The following ZNF679 variants were observed in gnomAD, a reference collection of about 807,000 sequenced individuals.
ZNF679 encodes the protein zinc finger protein 679, also known as hypothetical protein MGC42415.
ZNF679 carries 10 observed loss-of-function variants against 13.4 expected under a neutral mutation model. The ratio of observed to expected loss-of-function variants is 0.75; its 90% CI spans 0.46 to 1.27. The LOEUF (loss-of-function observed/expected upper bound fraction) is 1.27, where lower values mean the gene tolerates loss of function less well. Among genes scored for constraint, ZNF679 ranks in the 50% most tolerant of loss-of-function variants. The pLI, the probability that ZNF679 is intolerant of heterozygous loss-of-function variation, is 0.00. For synonymous variants in ZNF679, 179 were observed against 162.5 expected, an observed-to-expected ratio of 1.10 and a Z score of -0.77; for missense variants, 525 against 477.8, an observed-to-expected ratio of 1.10 and a Z score of -0.92.
intron 1 of ZNF679, among the ~76,000 whole-genome samples, chr7:64,236,896 GAA>G (rs1221264651): frequency 2.7e-5 from 3 of 111,754 alleles, no homozygotes; most frequent in Non-Finnish European, 6.0e-5. Flanking sequence ...AAGAAAAAAA[GAA>G]AAAGAAAAAA....
intron 1 of ZNF679, among the ~76,000 whole-genome samples, chr7:64,240,525 G>A (rs1787784299): frequency 6.6e-6 from 1 of 152,200 alleles, no homozygotes; most frequent in Admixed American, 6.5e-5. Context: ...TGTCATAACA[G>A]GACCCAGAAC....
intron 4 of ZNF679, among the ~76,000 whole-genome samples, chr7:64,264,496 T>C (rs1025076233): frequency 6.6e-6 from 1 of 152,160 alleles, no homozygotes; most frequent in Non-Finnish European, 1.5e-5. Context: ...ATTATGTATT[T>C]TTTTCATCAT....
chr7:64,260,790 G>T lies in ZNF679; in HGVS notation c.167-44G>T, dbSNP rs531312909. 9.7e-5 allele frequency: 151 copies of T among 1,560,688 alleles called. No individual in the cohort carries two copies. The East Asian group carries it at 2.1e-3, about 22-fold the overall frequency. On this transcript the variant is annotated intron_variant, in intron 3 of 4. Coordinates refer to ENST00000421025, the MANE Select transcript of ZNF679 (RefSeq NM_153363.3). ...GCATAATACTCGTTTGGTAATTAAA[G>T]AATTCAGCAAGATTTATGTTACTTT...
Position 64,249,080 on chromosome 7 carries a change from C to A in ZNF679, c.-38C>A. On this transcript the variant is annotated 5_prime_UTR_variant, in exon 2 of 5. Coordinates refer to ENST00000421025, the MANE Select transcript of ZNF679 (RefSeq NM_153363.3). Reference sequence around the variant, plus strand: ...GCGTCCTCTGTTCCTAGAGGCCAAGCCACTGTGGCCTTGTGTTCTGCAGGT... The same window carrying A: ...GCGTCCTCTGTTCCTAGAGGCCAAGACACTGTGGCCTTGTGTTCTGCAGGT... The A allele has an allele frequency of 6.2e-7, 1 of 1,613,810 alleles. No homozygotes were observed. The highest frequency in any genetic ancestry group is 1.1e-5 in the South Asian group (1 of 91,048).
chr7:64,266,186 A>C lies in ZNF679; in HGVS notation c.553A>C (p.Lys185Gln). The C allele has an allele frequency of 1.3e-6, 2 of 1,590,056 alleles. No individual in the cohort carries two copies. The highest frequency in any genetic ancestry group is 1.7e-6 in the Non-Finnish European group (2 of 1,166,430). Residue 185 changes from lysine to glutamine, a missense_variant, in exon 5 of 5, where the codon AAA (lysine) becomes CAA (glutamine). By Grantham distance (53) the Lys-to-Gln change is moderately conservative. Transcript: ENST00000421025. ...KTRHTGKKHF[K>Q]CKKYGKSFCM... Reference sequence around the variant, plus strand: ...AAGACATACTGGAAAGAAACATTTCAAATGTAAAAAATATGGCAAATCATT... The same window carrying C: ...AAGACATACTGGAAAGAAACATTTCCAATGTAAAAAATATGGCAAATCATT...
chr7:64,234,344 A>G (rs1374140381), intron 1 of ZNF679, among the ~76,000 whole-genome samples: 1 of 152,238 alleles, frequency 6.6e-6, no homozygotes, highest in Non-Finnish European at 1.5e-5. Context: ...CCCCACCTCT[A>G]GAGAGCTTTC....
chr7:64,234,265 G>A (rs897758556), intron 1 of ZNF679, among the ~76,000 whole-genome samples: 1 of 152,192 alleles, frequency 6.6e-6, no homozygotes, highest in Non-Finnish European at 1.5e-5. Flanking sequence ...GTGGGTGTGA[G>A]ACTTTTAACA....
chr7:64,230,032 G>A (rs1445286246), intron 1 of ZNF679, among the ~76,000 whole-genome samples: 1 of 152,172 alleles, frequency 6.6e-6, no homozygotes, highest in Non-Finnish European at 1.5e-5. Flanking sequence ...GCCCAGGCAG[G>A]AGGGTAACAT....
At chr7:64,249,291 G>A (rs1055458270) in intron 2 of ZNF679, 135 bp downstream of exon 2, 2 of 1,421,472 alleles carry the variant, frequency 1.4e-6, no homozygotes, top group African/African-American at 2.8e-5. Context: ...TGGCCCAGGT[G>A]GGCTGTTAGT....
At chr7:64,236,473 A>G (rs1451913610) in intron 1 of ZNF679, among the ~76,000 whole-genome samples, 1 of 151,704 alleles carries the variant, frequency 6.6e-6, no homozygotes, top group Non-Finnish European at 1.5e-5. Context: ...AGGGCAGAAT[A>G]AGAGAACCTG....
intron 1 of ZNF679, among the ~76,000 whole-genome samples, chr7:64,235,651 C>T (rs1301301102): frequency 9.9e-5 from 15 of 151,760 alleles, no homozygotes; most frequent in African/African-American, 2.7e-4. Flanking sequence ...TAGCCAGGCA[C>T]GGTGGCACAA....
chr7:64,263,872 A>C (rs1788109313), intron 4 of ZNF679, among the ~76,000 whole-genome samples: 1 of 152,120 alleles, frequency 6.6e-6, no homozygotes, highest in Non-Finnish European at 1.5e-5. Flanking sequence ...AGCAATGCAA[A>C]ATGAATTCAT....
At chr7:64,248,057 A>G (rs533754044) in intron 1 of ZNF679, among the ~76,000 whole-genome samples, 1 of 152,154 alleles carries the variant, frequency 6.6e-6, no homozygotes, top group Admixed American at 6.6e-5. Context: ...ATAATTCTAC[A>G]TGGCTGAGGA....
intron 1 of ZNF679, among the ~76,000 whole-genome samples, chr7:64,229,753 T>A (rs1341532790): frequency 6.6e-6 from 1 of 152,204 alleles, no homozygotes; most frequent in Non-Finnish European, 1.5e-5. Flanking sequence ...GGTCTATGTA[T>A]GAGAGTCATC....
In ZNF679 at chr7:64,260,299, TTA is replaced by T. The variant is rs749422697; in HGVS notation, c.123_124del (p.Tyr41Ter). On this transcript the variant is annotated frameshift_variant, in exon 3 of 5. Transcript: ENST00000421025. LOFTEE classifies it high-confidence loss of function. ...ATGCCTGGATCACGCTCAGCAGAAT[TTA>T]TATAGAGATGTGATGTTAGAGAACT... ...WQCLDHAQQNLYRDVMLENYR... is the reference protein window; with the variant it reads ...WQCLDHAQQNXYRDVMLENYR... 17 of 1,612,968 alleles carry T rather than the reference TTA, an allele frequency of 1.1e-5. No individual in the cohort carries two copies. The highest frequency in any genetic ancestry group is 1.6e-4 in the Middle Eastern group (1 of 6,074).
chr7:64,231,759 C>T (rs376514294), intron 1 of ZNF679, among the ~76,000 whole-genome samples: 1 of 152,072 alleles, frequency 6.6e-6, no homozygotes, highest in South Asian at 2.1e-4. Flanking sequence ...GCAGGAGCAT[C>T]ACATCACCTA....
At chr7:64,249,791 T>C (rs187763388) in intron 2 of ZNF679, among the ~76,000 whole-genome samples, 1 of 152,308 alleles carries the variant, frequency 6.6e-6, no homozygotes, top group East Asian at 1.9e-4. Context: ...TAATTAGCAG[T>C]CTGTGGTTGA....
chr7:64,233,237 T>G, intron 1 of ZNF679, among the ~76,000 whole-genome samples: 1 of 139,610 alleles, frequency 7.2e-6, no homozygotes. Context: ...TCAGACTCTG[T>G]CTCAAAACAA....
intron 2 of ZNF679, among the ~76,000 whole-genome samples, chr7:64,250,536 C>G (rs1331060570): frequency 6.6e-6 from 1 of 151,650 alleles, no homozygotes; most frequent in South Asian, 2.1e-4. Flanking sequence ...ACTTAAAGTG[C>G]TCTGATTACA....
Sources: allele counts gnomAD v4.1 joint callset (sites outside exome capture counted in the v4.1 genomes callset), GRCh38; gene constraint gnomAD v4.1.1; transcripts MANE v1.5; gene names NCBI Gene and HGNC (gene_info 2026-07-23, HGNC 2026-07-21).